Variants in FHIT observed in about 807,000 individuals in gnomAD.
FHIT encodes the protein bis(5'-adenosyl)-triphosphatase.
Under a neutral mutation model 17.9 loss-of-function variants are expected in FHIT, and 19 were observed. The ratio of observed to expected loss-of-function variants is 1.06; its 90% CI spans 0.74 to 1.56. The LOEUF is 1.56. FHIT is among the 40% of genes most tolerant of loss of function. The pLI, the probability that FHIT is intolerant of heterozygous loss-of-function variation, is 0.00. For synonymous variants in FHIT, 81 were observed against 69.7 expected (o/e 1.16, Z -0.81); for missense variants, 248 against 189.2 (o/e 1.31, Z -1.82).
intron 5 of FHIT, among the ~76,000 whole-genome samples, chr3:60,476,763 C>A (rs367937476): frequency 2.6e-5 from 4 of 151,882 alleles, no homozygotes; most frequent in Admixed American, 2.0e-4. Context: ...AGGCGCAGAA[C>A]GGGAATGTGA....
intron 5 of FHIT, among the ~76,000 whole-genome samples, chr3:60,164,093 G>C (rs1020283016): frequency 6.6e-5 from 10 of 152,146 alleles, no homozygotes; most frequent in African/African-American, 2.4e-4. Flanking sequence ...AAAAGGTTTG[G>C]TGGGAGATCA....
At chr3:60,652,539 C>G (rs1477792529) in intron 4 of FHIT, among the ~76,000 whole-genome samples, 2 of 152,064 alleles carry the variant, frequency 1.3e-5, no homozygotes, top group African/African-American at 2.4e-5. Context: ...CGAGACCATC[C>G]TGGCTAATAT....
chr3:60,370,736 A>AT, intron 5 of FHIT, among the ~76,000 whole-genome samples: 1 of 152,030 alleles, frequency 6.6e-6, no homozygotes. Context: ...CTCTAATGCA[A>AT]TTTTTTAAAA....
chr3:60,771,458 G>A (rs1700038526), intron 4 of FHIT, among the ~76,000 whole-genome samples: 1 of 152,210 alleles, frequency 6.6e-6, no homozygotes, highest in African/African-American at 2.4e-5. Flanking sequence ...AAGAATGCCA[G>A]AAATTGTCCC....
rs140605504 is a variant in FHIT, at chr3:59,865,773, C to A, written c.348+56573G>T. Among the ~76,000 whole-genome samples the A allele has an allele frequency of 2.0e-5, 3 of 152,266 alleles. No individual in the cohort carries two copies. The East Asian group carries it at 5.8e-4, about 29-fold the overall frequency. ...CAGGCAGGCGATGGTGGAAATGTAC[C>A]CAGCCACTCCTTCACCTCCACAACC... On this transcript the variant is annotated intron_variant, in intron 8 of 9. Coordinates refer to ENST00000492590, the MANE Select transcript of FHIT (RefSeq NM_002012.4).
chr3:61,022,412 G>C (rs966644664), intron 3 of FHIT, among the ~76,000 whole-genome samples: 5 of 152,098 alleles, frequency 3.3e-5, no homozygotes, highest in African/African-American at 1.2e-4. Context: ...TTCTACCAGA[G>C]GTAAAAGAGG....
At chr3:60,741,842 G>A (rs1194655764) in intron 4 of FHIT, among the ~76,000 whole-genome samples, 1 of 152,192 alleles carries the variant, frequency 6.6e-6, no homozygotes, top group Non-Finnish European at 1.5e-5. Flanking sequence ...TTATTTCAGT[G>A]TGGTATAATG....
Position 60,463,324 on chromosome 3 carries a change from T to C in FHIT, c.103+73536A>G, listed in dbSNP as rs1008722153. On this transcript the variant is annotated intron_variant, in intron 5 of 9. Transcript: ENST00000492590. Reference sequence around the variant, plus strand: ...TCACAAATCTAAGGAAAATGATATATCTATACTTATTTCCCTAAAGAGAAC... The same window carrying C: ...TCACAAATCTAAGGAAAATGATATACCTATACTTATTTCCCTAAAGAGAAC... Among the ~76,000 whole-genome samples the C allele has an allele frequency of 2.0e-5, 3 of 152,170 alleles. No individual in the cohort carries two copies. The South Asian group carries it at 6.2e-4, about 32-fold the overall frequency.
At position 60,419,958 on chromosome 3, in the gene FHIT, T is replaced by C. The variant is rs533172705; in HGVS notation, c.103+116902A>G. 4.6e-5 allele frequency among the ~76,000 whole-genome samples: 7 copies of C among 152,284 alleles called. No homozygotes were observed. In the South Asian group the frequency reaches 1.2e-3, roughly 27 times the overall value. ...AAATAAACAAAGATAAAACCATTCA[T>C]AATCCCACTACAGATGTCAAAAGTC... is the stretch of plus-strand genomic sequence containing the variant. On this transcript the variant is annotated intron_variant, in intron 5 of 9. Transcript: ENST00000492590.
At chr3:61,197,407 C>T (rs1462011278) in intron 2 of FHIT, among the ~76,000 whole-genome samples, 2 of 152,106 alleles carry the variant, frequency 1.3e-5, no homozygotes, top group African/African-American at 4.8e-5. Context: ...TAAGGCTCTT[C>T]CTTCCATATA....
intron 5 of FHIT, among the ~76,000 whole-genome samples, chr3:60,164,973 G>C (rs1378819108): frequency 2.6e-5 from 4 of 152,138 alleles, no homozygotes. Context: ...GCCACAGAGA[G>C]TCACAACGCA....
chr3:60,633,528 G>T (rs1577004588), intron 4 of FHIT, among the ~76,000 whole-genome samples: 1 of 152,176 alleles, frequency 6.6e-6, no homozygotes, highest in Admixed American at 6.5e-5. Context: ...CAAAACAGTT[G>T]TACAAAAGAT....
At position 60,239,810 on chromosome 3, in the gene FHIT, A is replaced by G. The variant is rs1026608832; in HGVS notation, c.104-225658T>C. On this transcript the variant is annotated intron_variant, in intron 5 of 9. Transcript: ENST00000492590. The stretch of plus-strand genomic sequence containing the variant: ...GACTACCTTACTAATAGACTTAGAT[A>G]AATGGATTTCAGTTTAGACCCAAGA... Among the ~76,000 whole-genome samples the G allele has an allele frequency of 4.6e-5, 7 of 152,206 alleles. No individual in the cohort carries two copies. In the East Asian group the frequency reaches 5.8e-4, roughly 13 times the overall value.
At chr3:60,064,720 A>T (rs1702428168) in intron 5 of FHIT, among the ~76,000 whole-genome samples, 1 of 152,238 alleles carries the variant, frequency 6.6e-6, no homozygotes, top group Non-Finnish European at 1.5e-5. Flanking sequence ...GTCAAAGAGT[A>T]TTTAGGATCT....
At position 60,049,782 on chromosome 3, in the gene FHIT, G is replaced by C. The variant is rs140684766; in HGVS notation, c.104-35630C>G. Among the ~76,000 whole-genome samples, 495 of 152,206 alleles carry C rather than the reference G, an allele frequency of 3.3e-3. 1 individual carries two copies. The highest frequency in any genetic ancestry group is 0.011 in the African/African-American group (452 of 41,540). ...TGTGGTTCACATTATACTTCTACCA[G>C]ACAGGGGTGATCTAGGTTTTAATTC... is the stretch of plus-strand genomic sequence containing the variant. On this transcript the variant is annotated intron_variant, in intron 5 of 9. Coordinates refer to ENST00000492590, the MANE Select transcript of FHIT (RefSeq NM_002012.4).
At chr3:61,186,387 T>G (rs1260105532) in intron 2 of FHIT, among the ~76,000 whole-genome samples, 1 of 152,130 alleles carries the variant, frequency 6.6e-6, no homozygotes, top group Non-Finnish European at 1.5e-5. Flanking sequence ...CTGGCAAGGG[T>G]GGGCGCCTGA....
At chr3:59,820,733 T>A (rs1294434151) in intron 8 of FHIT, among the ~76,000 whole-genome samples, 2 of 152,170 alleles carry the variant, frequency 1.3e-5, no homozygotes, top group Non-Finnish European at 2.9e-5. Context: ...TTTGGAAAGA[T>A]CCCTATGGTC....
intron 5 of FHIT, among the ~76,000 whole-genome samples, chr3:60,243,834 AG>A (rs570486582): frequency 2.6e-5 from 4 of 152,268 alleles, no homozygotes; most frequent in African/African-American, 9.6e-5. Flanking sequence ...AAGGAGATAA[AG>A]AATCAATGAA....
chr3:61,011,040 G>A (rs941566885), intron 3 of FHIT, among the ~76,000 whole-genome samples: 9 of 152,098 alleles, frequency 5.9e-5, no homozygotes, highest in Admixed American at 5.2e-4. Context: ...GGTAAACTTC[G>A]AATGTTTCCT....
Sources: gnomAD v4.1 joint callset for allele counts (sites outside exome capture counted in the v4.1 genomes callset) on GRCh38, gnomAD v4.1.1 for gene constraint, MANE v1.5 for transcripts, NCBI Gene and HGNC (gene_info 2026-07-23, HGNC 2026-07-21) for gene names.